TPD52: variants seen among roughly 807,000 people sequenced by gnomAD.
TPD52 encodes tumor protein D52.
Under a neutral mutation model 31.3 loss-of-function variants are expected in TPD52, and 17 were observed. The observed-to-expected ratio is 0.54, with a 90% confidence interval of 0.37 to 0.82. TPD52 has a LOEUF of 0.82. TPD52 is among the 40% of genes least tolerant of loss of function. TPD52 has a pLI of 0.00. For synonymous variants in TPD52, 83 were observed against 89.6 expected, an observed-to-expected ratio of 0.93 and a Z score of 0.42; for missense variants, 212 against 240.1, an observed-to-expected ratio of 0.88 and a Z score of 0.77.
intron 2 of TPD52, among the ~76,000 whole-genome samples, chr8:80,054,474 C>G (rs566570132): frequency 2.6e-5 from 4 of 152,076 alleles, no homozygotes; most frequent in Non-Finnish European, 5.9e-5. Context: ...CTTTAGGTCC[C>G]AGGAAATTGA....
chr8:80,042,564 GTTAA>G, intron 7 of TPD52, 52 bp downstream of exon 7: 1 of 1,564,506 alleles, frequency 6.4e-7, no homozygotes, highest in Non-Finnish European at 8.6e-7. Flanking sequence ...GCACAGCAAA[GTTAA>G]TTAAGACACC....
intron 1 of TPD52, among the ~76,000 whole-genome samples, chr8:80,150,409 C>T (rs192330088): frequency 3.3e-5 from 5 of 152,326 alleles, no homozygotes; most frequent in African/African-American, 1.2e-4. Context: ...CCAGAGTCCC[C>T]ACTGGGACAC....
chr8:80,132,376 T>C (rs1369570921), intron 1 of TPD52, among the ~76,000 whole-genome samples: 1 of 152,078 alleles, frequency 6.6e-6, no homozygotes, highest in African/African-American at 2.4e-5. Flanking sequence ...CAGCTAATTT[T>C]TTTAATTTTT....
intron 2 of TPD52, 34 bp downstream of exon 2, chr8:80,064,444 C>G (rs1442791018): frequency 6.5e-7 from 1 of 1,543,444 alleles, no homozygotes; most frequent in Non-Finnish European, 9.0e-7. Flanking sequence ...ATTTTAAGTG[C>G]AAAAATAAAG....
chr8:80,139,764 T>C (rs1563655231), intron 1 of TPD52, among the ~76,000 whole-genome samples: 1 of 152,154 alleles, frequency 6.6e-6, no homozygotes, highest in Non-Finnish European at 1.5e-5. Flanking sequence ...GTTAAGTGTA[T>C]TATCAAAATC....
At chr8:80,084,195 C>T (rs1815553778) in intron 1 of TPD52, among the ~76,000 whole-genome samples, 1 of 152,104 alleles carries the variant, frequency 6.6e-6, no homozygotes, top group East Asian at 1.9e-4. Flanking sequence ...GCCCCTCTTC[C>T]CCTAGAGGAA....
chr8:80,156,588 C>T (rs995775740), intron 1 of TPD52, among the ~76,000 whole-genome samples: 3 of 152,178 alleles, frequency 2.0e-5, no homozygotes, highest in Admixed American at 2.0e-4. Context: ...GGCAGGATAT[C>T]AAGGTTTAGG....
chr8:80,090,675 A>G (rs915611954), intron 1 of TPD52, among the ~76,000 whole-genome samples: 11 of 152,162 alleles, frequency 7.2e-5, no homozygotes, highest in African/African-American at 2.4e-4. Context: ...CAATGGGGGA[A>G]AAAAGACTAT....
intron 1 of TPD52, among the ~76,000 whole-genome samples, chr8:80,143,873 C>T (rs1810008588): frequency 6.6e-6 from 1 of 152,128 alleles, no homozygotes; most frequent in Non-Finnish European, 1.5e-5. Flanking sequence ...AAACACTTTA[C>T]AGAAAAATGC....
intron 5 of TPD52, 56 bp from the exon 6 acceptor site, chr8:80,044,264 C>T (rs1810632966): frequency 2.1e-6 from 3 of 1,397,346 alleles, no homozygotes; most frequent in African/African-American, 1.5e-5. Context: ...GGTGCTTCAA[C>T]ATTATTAAAA....
intron 1 of TPD52, among the ~76,000 whole-genome samples, chr8:80,084,659 C>T (rs1283340230): frequency 2.6e-5 from 4 of 152,230 alleles, no homozygotes; most frequent in African/African-American, 9.6e-5. Flanking sequence ...TGAATTTCAT[C>T]ATTTCAGTAG....
chr8:80,161,334 C>A (rs780673907), intron 1 of TPD52, among the ~76,000 whole-genome samples: 3 of 152,190 alleles, frequency 2.0e-5, no homozygotes, highest in Non-Finnish European at 4.4e-5. Context: ...ATATTCCTAT[C>A]TCCCTGCCAA....
chr8:80,117,609 C>T (rs1156292127), intron 1 of TPD52, among the ~76,000 whole-genome samples: 1 of 152,138 alleles, frequency 6.6e-6, no homozygotes, highest in South Asian at 2.1e-4. Flanking sequence ...TCCCAGCTGA[C>T]TTCTTGACAA....
rs149724384 is a variant in TPD52, at chr8:80,046,048, C to A, written c.414-1840G>T. Among the ~76,000 whole-genome samples the A allele has an allele frequency of 5.4e-3, 820 of 152,258 alleles. 6 individuals carry two copies. Among genetic ancestry groups the A allele is most frequent in the African/African-American group, 0.019 (781 of 41,552 alleles). ...TCACAGCTAATTCTAGTCACTGTCC[C>A]TAAGAACCCATGTACAATATCACTT... On this transcript the variant is annotated intron_variant, in intron 5 of 7. Transcript: ENST00000518937.
In TPD52 at chr8:80,053,222, CA is replaced by C; in HGVS notation, c.284+59del. ...TCCTCTTTTTCTTCCCCTCTCCAGA[CA>C]AAAGGCACAACAGTGTCCTTTACAC... is the stretch of plus-strand genomic sequence containing the variant. On this transcript the variant is annotated intron_variant, in intron 3 of 7. Transcript: ENST00000518937. 6.5e-6 allele frequency: 10 copies of C among 1,542,580 alleles called. No homozygotes were observed. The South Asian group carries it at 1.0e-4, about 16-fold the overall frequency.
chr8:80,042,203 G>T (rs1403322433), intron 7 of TPD52: 4 of 985,240 alleles, frequency 4.1e-6, no homozygotes, highest in Non-Finnish European at 2.4e-6. Context: ...AAGCGTAACA[G>T]CATAATAGCA....
In TPD52 at chr8:80,080,670, C is replaced by A. The variant is rs1241726091; in HGVS notation, c.20-16077G>T. On this transcript the variant is annotated intron_variant, in intron 1 of 7. Coordinates refer to ENST00000518937, the MANE Select transcript of TPD52 (RefSeq NM_001025253.3). ...CAGACCTATTTAATAAATGATTTAT[C>A]CTGAGCAACCTTAGGAGGGGCTCTA... 2.4e-6 allele frequency: 3 copies of A among 1,270,426 alleles called. No individual in the cohort carries two copies. In the East Asian group the frequency reaches 9.1e-5, roughly 38 times the overall value. The allele number at this position is 1,270,426 out of a possible 1,614,324, so 78.7% of individuals were successfully genotyped here.
chr8:80,133,595 A>C (rs13261691), intron 1 of TPD52, among the ~76,000 whole-genome samples: 65,552 of 151,814 alleles, frequency 0.43, 14,755 homozygotes, highest in East Asian at 0.78. Flanking sequence ...AGCCAGAGAA[A>C]CATGAATCCT....
intron 5 of TPD52, among the ~76,000 whole-genome samples, chr8:80,045,261 C>CT (rs148672236): frequency 0.043 from 6,575 of 152,242 alleles, 200 homozygotes; most frequent in Non-Finnish European, 0.066. Flanking sequence ...GTCCCAATCT[C>CT]TAAATTTACA....
Sources: allele counts gnomAD v4.1 joint callset (sites outside exome capture counted in the v4.1 genomes callset), GRCh38; gene constraint gnomAD v4.1.1; transcripts MANE v1.5; gene names NCBI Gene and HGNC (gene_info 2026-07-23, HGNC 2026-07-21).